The following LYPLA1 variants were observed in gnomAD, a reference collection of about 807,000 sequenced individuals.
LYPLA1 encodes acyl-protein thioesterase 1.
Under a neutral mutation model 34.0 loss-of-function variants are expected in LYPLA1, and 17 were observed. The ratio of observed to expected loss-of-function variants is 0.50; its 90% CI spans 0.34 to 0.75. LYPLA1 has a LOEUF of 0.75. Among genes scored for constraint, LYPLA1 ranks in the 30% least tolerant of loss-of-function variants. LYPLA1 has a pLI of 0.01. For missense variants in LYPLA1, 203 were observed against 288.8 expected (o/e 0.70, Z 2.15); for synonymous variants, 98 against 100.8 (o/e 0.97, Z 0.17).
intron 2 of LYPLA1, among the ~76,000 whole-genome samples, chr8:54,070,296 C>T (rs565712665): frequency 3.3e-5 from 5 of 152,128 alleles, no homozygotes; most frequent in African/African-American, 1.2e-4. Context: ...GCCTGGGCAA[C>T]AAGAGTGAAA....
chr8:54,090,183 G>A (rs1356970775), intron 2 of LYPLA1, among the ~76,000 whole-genome samples: 1 of 152,224 alleles, frequency 6.6e-6, no homozygotes, highest in African/African-American at 2.4e-5. Flanking sequence ...ACATGGATAA[G>A]ATAGGGCTAT....
At chr8:54,062,345 T>A in intron 4 of LYPLA1, 21 bp from the exon 5 acceptor site, 1 of 1,524,206 alleles carries the variant, frequency 6.6e-7, no homozygotes, top group Non-Finnish European at 9.0e-7. Flanking sequence ...AGGCAAAATC[T>A]TTTGATTCTA....
chr8:54,097,671 C>T (rs184391831), intron 2 of LYPLA1, among the ~76,000 whole-genome samples: 167 of 152,210 alleles, frequency 1.1e-3, no homozygotes, highest in African/African-American at 3.8e-3. Context: ...AACTGTGGTT[C>T]GAAAATATTA....
At chr8:54,044,388 G>A (rs1373652967), downstream of LYPLA1, among the ~76,000 whole-genome samples, 1 of 152,166 alleles carries the variant, frequency 6.6e-6, no homozygotes, top group African/African-American at 2.4e-5. Flanking sequence ...AGTAAAGCCA[G>A]TCCAGGGAGA....
chr8:54,085,848 C>A (rs371914149), intron 2 of LYPLA1, among the ~76,000 whole-genome samples: 1 of 124,222 alleles, frequency 8.1e-6, no homozygotes, highest in Non-Finnish European at 1.7e-5. Context: ...GCCCCGTCCG[C>A]GAGGTGGGGG....
chr8:54,094,964 TAATA>T (rs1318479751), intron 2 of LYPLA1, among the ~76,000 whole-genome samples: 4 of 152,016 alleles, frequency 2.6e-5, no homozygotes, highest in South Asian at 2.1e-4. Flanking sequence ...TCTACATAAG[TAATA>T]AATAAAGGAG....
At chr8:54,088,874 G>A (rs1316800924) in intron 2 of LYPLA1, among the ~76,000 whole-genome samples, 2 of 152,140 alleles carry the variant, frequency 1.3e-5, no homozygotes, top group Non-Finnish European at 2.9e-5. Context: ...ACCATGCTCA[G>A]CTAATTATTT....
At chr8:54,084,163 T>TATATAA (rs1365317074) in intron 2 of LYPLA1, among the ~76,000 whole-genome samples, 1 of 132,606 alleles carries the variant, frequency 7.5e-6, no homozygotes, top group African/African-American at 3.2e-5. Flanking sequence ...TATATATATA[T>TATATAA]AAAATAAAGA....
At chr8:54,089,625 C>T (rs1038428018) in intron 2 of LYPLA1, among the ~76,000 whole-genome samples, 2 of 151,378 alleles carry the variant, frequency 1.3e-5, no homozygotes, top group African/African-American at 2.4e-5. Context: ...TGTTTGCCAA[C>T]CTCTTTTTTT....
Position 54,051,046 on chromosome 8 carries a change from G to A in LYPLA1, c.605C>T (p.Thr202Ile). ...CGAACTGTGCATCATACCTTCATAG[G>A]TTTTAAAGGTCACATTGGCTGGATT... is the stretch of plus-strand genomic sequence containing the variant. The part of the protein sequence containing the change: ...LVNPANVTFK[T>I]YEGMMHSSCQ... The change falls in exon 8 of 9, where the codon ACC becomes ATC. Residue 202 changes from threonine to isoleucine, a missense_variant. Transcript: ENST00000316963. 6.2e-7 allele frequency: 1 copy of A among 1,613,582 alleles called. No homozygotes were observed. Among genetic ancestry groups the A allele is most frequent in the South Asian group, 1.1e-5 (1 of 91,048 alleles).
intron 2 of LYPLA1, among the ~76,000 whole-genome samples, chr8:54,066,366 T>G (rs890014111): frequency 2.6e-5 from 4 of 152,244 alleles, no homozygotes; most frequent in African/African-American, 9.6e-5. Flanking sequence ...CAGCAGTGTG[T>G]GCCCCTTCAG....
Position 54,073,281 on chromosome 8 carries a change from G to C in LYPLA1, c.102-7468C>G, listed in dbSNP as rs1314345255. 1.2e-5 allele frequency: 11 copies of C among 891,488 alleles called. 2 individuals are homozygous for C. The South Asian group carries it at 1.3e-4, about 11-fold the overall frequency. The allele number at this position is 891,488 out of a possible 1,614,324, so 55.2% of individuals were successfully genotyped here. On this transcript the variant is annotated intron_variant, in intron 2 of 8. Coordinates refer to ENST00000316963, the MANE Select transcript of LYPLA1 (RefSeq NM_006330.4). ...TGAATGGGGGAACCTGCATGCTGGG[G>C]TCCTTCTGTGCCTGCCCCCTCTCCT...
chr8:54,058,750 G>GTT (rs796072929), intron 5 of LYPLA1, among the ~76,000 whole-genome samples: 1 of 142,144 alleles, frequency 7.0e-6, no homozygotes, highest in African/African-American at 2.6e-5. Flanking sequence ...AGCTAATTTT[G>GTT]TTTTTTTTTT....
chr8:54,075,473 T>C (rs1292440873), intron 2 of LYPLA1, among the ~76,000 whole-genome samples: 1 of 151,986 alleles, frequency 6.6e-6, no homozygotes, highest in Non-Finnish European at 1.5e-5. Flanking sequence ...CTGAGGAGGA[T>C]CCCAACTGTC....
chr8:54,081,114 A>G (rs1261583482), intron 2 of LYPLA1, among the ~76,000 whole-genome samples: 2 of 152,148 alleles, frequency 1.3e-5, no homozygotes, highest in East Asian at 1.9e-4. Flanking sequence ...TGTACTCACT[A>G]GTTTCTACCC....
At chr8:54,048,414 A>G (rs1054255450) in intron 8 of LYPLA1, among the ~76,000 whole-genome samples, 1 of 152,200 alleles carries the variant, frequency 6.6e-6, no homozygotes, top group African/African-American at 2.4e-5. Context: ...TGGTGCCTAC[A>G]CTGAGAAGTC....
At chr8:54,054,436 G>C (rs1188830269) in intron 6 of LYPLA1, 1 of 152,180 alleles carries the variant, frequency 6.6e-6, no homozygotes, top group Non-Finnish European at 1.5e-5. Flanking sequence ...AATAATTTCA[G>C]AATTCTGACA....
chr8:54,092,729 G>A (rs1809393599), intron 2 of LYPLA1, among the ~76,000 whole-genome samples: 1 of 152,120 alleles, frequency 6.6e-6, no homozygotes, highest in African/African-American at 2.4e-5. Context: ...CACCTGTAAT[G>A]CCAGCACTTT....
intron 1 of LYPLA1, 93 bp downstream of exon 1, chr8:54,101,662 C>T: frequency 8.5e-7 from 1 of 1,170,860 alleles, no homozygotes; most frequent in East Asian, 3.6e-5. Flanking sequence ...CGTCCGCAGG[C>T]CGCCACGCGC....
Sources: gnomAD v4.1 joint callset for allele counts (sites outside exome capture counted in the v4.1 genomes callset) on GRCh38, gnomAD v4.1.1 for gene constraint, MANE v1.5 for transcripts, NCBI Gene and HGNC (gene_info 2026-07-23, HGNC 2026-07-21) for gene names.